Variants in POLA1 observed in about 807,000 individuals in gnomAD.
POLA1 encodes DNA polymerase alpha 1, catalytic subunit.
In POLA1, 15 loss-of-function variants were observed where a neutral mutation model predicts 124.0. The ratio of observed to expected loss-of-function variants is 0.12; its 90% confidence interval spans 0.08 to 0.19. The LOEUF (loss-of-function observed/expected upper bound fraction) is 0.19, where lower values mean the gene tolerates loss of function less well. Ranked by LOEUF, POLA1 falls within the 10% of genes least tolerant of loss-of-function variation. The pLI, the probability that POLA1 is intolerant of heterozygous loss-of-function variation, is 1.00. For synonymous variants in POLA1, 408 were observed against 389.4 expected (o/e 1.05, Z -0.56); for missense variants, 886 against 1,103.4 (o/e 0.80, Z 2.79).
chrX:24,935,655 C>G (rs1319077128), intron 36 of POLA1, among the ~76,000 whole-genome samples: 1 of 112,217 alleles, frequency 8.9e-6, no homozygotes, highest in South Asian at 3.7e-4. Context: ...TTTCCTTAAA[C>G]TTTTCAGTCT....
Position 24,693,924 on chromosome X carries a change from T to G in POLA1, c.-38T>G, listed in dbSNP as rs1331003665. On this transcript the variant is annotated 5_prime_UTR_variant, in exon 1 of 37. Coordinates refer to ENST00000379068, the MANE Select transcript of POLA1 (RefSeq NM_001330360.2). Reference sequence around the variant, plus strand: ...CGCCTGTCTCGGCCCCCGCGCCAGTTTTGGGCTGGTTGGCGCGGAATCGGG... The same window carrying G: ...CGCCTGTCTCGGCCCCCGCGCCAGTGTTGGGCTGGTTGGCGCGGAATCGGG... 8.5e-7 allele frequency: 1 copy of G among 1,173,859 alleles called. No homozygotes were observed. The highest frequency in any genetic ancestry group is 2.4e-5 in the Admixed American group (1 of 41,703).
chrX:24,893,371 G>A (rs953960917), intron 35 of POLA1, among the ~76,000 whole-genome samples: 6 of 111,981 alleles, frequency 5.4e-5, no homozygotes, highest in African/African-American at 1.9e-4. Context: ...TGCCACATGG[G>A]TGCTAGCAAC....
intron 36 of POLA1, among the ~76,000 whole-genome samples, chrX:24,954,042 G>A (rs999393232): frequency 1.8e-5 from 2 of 111,986 alleles, no homozygotes; most frequent in Admixed American, 1.9e-4. Context: ...AAATATGTTT[G>A]TATACAAATT....
intron 35 of POLA1, among the ~76,000 whole-genome samples, chrX:24,906,919 C>T (rs1276469013): frequency 9.0e-6 from 1 of 111,459 alleles, no homozygotes; most frequent in Non-Finnish European, 1.9e-5. Context: ...AGGCATGGTG[C>T]CTCATACCTG....
intron 34 of POLA1, 137 bp from the exon 35 acceptor site, chrX:24,887,869 G>A (rs1254294723): frequency 2.2e-6 from 1 of 460,761 alleles, no homozygotes; most frequent in Non-Finnish European, 3.9e-6. Context: ...AACATGTCAG[G>A]AGAGAGAGAT....
At chrX:24,834,230 T>C (rs955595610) in intron 32 of POLA1, among the ~76,000 whole-genome samples, 4 of 111,923 alleles carry the variant, frequency 3.6e-5, no homozygotes, top group African/African-American at 1.3e-4. Flanking sequence ...AACCAGTTGA[T>C]TGAAGTCATG....
chrX:24,712,474 T>A (rs1929527462), intron 4 of POLA1, among the ~76,000 whole-genome samples: 1 of 112,464 alleles, frequency 8.9e-6, no homozygotes, highest in African/African-American at 3.2e-5. Flanking sequence ...CCTGCTTTCC[T>A]TTTGGGCTTT....
intron 35 of POLA1, among the ~76,000 whole-genome samples, chrX:24,906,866 A>G (rs1238396098): frequency 8.9e-6 from 1 of 111,793 alleles, no homozygotes; most frequent in African/African-American, 3.3e-5. Context: ...GAAAGAGTAA[A>G]TGAGCTTGAA....
intron 31 of POLA1, among the ~76,000 whole-genome samples, chrX:24,823,466 A>C (rs1338909999): frequency 9.3e-6 from 1 of 107,103 alleles, no homozygotes; most frequent in African/African-American, 3.5e-5. Flanking sequence ...CCGTGGCACC[A>C]TCTCAGCTCA....
At chrX:24,818,181 C>T (rs1202730006) in intron 30 of POLA1, among the ~76,000 whole-genome samples, 12 of 109,844 alleles carry the variant, frequency 1.1e-4, no homozygotes. Flanking sequence ...TAACTTGAGC[C>T]TAAACCACCA....
At chrX:24,930,965 C>T (rs1028759608) in intron 36 of POLA1, among the ~76,000 whole-genome samples, 5 of 111,343 alleles carry the variant, frequency 4.5e-5, no homozygotes, top group East Asian at 2.8e-4. Context: ...AGCCTGGGTT[C>T]GTTTTGAGAG....
Position 24,748,319 on chromosome X carries a change from A to G in POLA1, c.2700A>G (p.Glu900=). ...TGTTGTGTGTTTATCAGGATGGAGA[A>G]CAAGAACAGATCCCTGAGTTGCCAG... ...SEAQKVTEDG[E]QEQIPELPDP... is the part of the protein sequence containing the mutation. Residue 900 remains glutamate, a synonymous_variant, in exon 25 of 37, where the codon GAA becomes GAG. Transcript: ENST00000379068. 1 of 1,191,764 alleles carries G rather than the reference A, an allele frequency of 8.4e-7. No individual in the cohort carries two copies. Among genetic ancestry groups the G allele is most frequent in the Non-Finnish European group, 1.1e-6 (1 of 883,176 alleles).
intron 4 of POLA1, among the ~76,000 whole-genome samples, chrX:24,706,955 A>T (rs1449956666): frequency 2.7e-5 from 3 of 112,663 alleles, no homozygotes; most frequent in Non-Finnish European, 5.6e-5. Flanking sequence ...CAAAAAAATA[A>T]GCATATGTAT....
chrX:24,843,249 G>C (rs1013389153), intron 33 of POLA1, among the ~76,000 whole-genome samples: 4 of 111,816 alleles, frequency 3.6e-5, no homozygotes, highest in African/African-American at 1.3e-4. Context: ...GACTTCACTG[G>C]TATTTACAGA....
intron 35 of POLA1, among the ~76,000 whole-genome samples, chrX:24,904,558 T>A (rs2047332804): frequency 9.0e-6 from 1 of 110,900 alleles, no homozygotes; most frequent in South Asian, 3.8e-4. Context: ...ATCCTCTTTC[T>A]CTTTCTTCCT....
intron 35 of POLA1, among the ~76,000 whole-genome samples, chrX:24,888,840 C>T (rs1319744485): frequency 2.8e-5 from 3 of 108,242 alleles, no homozygotes; most frequent in African/African-American, 1.0e-4. Context: ...TCCCAAAGTG[C>T]TGGGATTACA....
chrX:24,963,166 G>A (rs1460822793), intron 36 of POLA1, among the ~76,000 whole-genome samples: 1 of 111,828 alleles, frequency 8.9e-6, no homozygotes, highest in Non-Finnish European at 1.9e-5. Flanking sequence ...ATTATGAAGT[G>A]TTTTAGGTGG....
In POLA1 at chrX:24,703,358, C is replaced by A; in HGVS notation, c.265+11C>A. On this transcript the variant is annotated intron_variant, in intron 3 of 36. Transcript: ENST00000379068. ...GGATTGTGGATGATGGTAGGTGGGG[C>A]GGAGGTGGGGGCGGGGATGTTGCTT... 2.3e-6 allele frequency: 2 copies of A among 855,549 alleles called. No homozygotes were observed. The highest frequency in any genetic ancestry group is 3.4e-6 in the Non-Finnish European group (2 of 586,638). 70.5% of individuals were successfully genotyped at this position (855,549 alleles called of 1,213,427 possible).
At chrX:24,901,003 A>G (rs1311798907) in intron 35 of POLA1, among the ~76,000 whole-genome samples, 1 of 111,961 alleles carries the variant, frequency 8.9e-6, no homozygotes, top group Non-Finnish European at 1.9e-5. Flanking sequence ...ATATACTCCA[A>G]ATTCATTCAG....
Sources: gnomAD v4.1 joint callset for allele counts (sites outside exome capture counted in the v4.1 genomes callset) on GRCh38, gnomAD v4.1.1 for gene constraint, MANE v1.5 for transcripts, NCBI Gene and HGNC (gene_info 2026-07-23, HGNC 2026-07-21) for gene names.